The following TTC38 variants were observed in gnomAD, a reference collection of about 807,000 sequenced individuals.
TTC38 encodes the protein tetratricopeptide repeat domain 38, also known as tetratricopeptide repeat protein 38.
TTC38 carries 64 observed loss-of-function variants against 64.2 expected under a neutral mutation model. The observed-to-expected ratio is 1.00, with a 90% CI of 0.81 to 1.23. The LOEUF (loss-of-function observed/expected upper bound fraction) is 1.23. Ranked by LOEUF, TTC38 falls within the 50% of genes most tolerant of loss-of-function variation. The pLI is 0.00. For synonymous variants in TTC38, 254 were observed against 249.3 expected (o/e 1.02, Z -0.18); for missense variants, 573 against 615.5 (o/e 0.93, Z 0.73).
chr22:46,274,066 A>G lies in TTC38; in HGVS notation c.362A>G (p.Asn121Ser), dbSNP rs755435979. The change falls in exon 4 of 14, where the codon AAT (asparagine) becomes AGT (serine). Residue 121 changes from asparagine (N) to serine (S), a missense_variant. Around this residue, in one of 3 missense-constraint regions of TTC38, gnomAD observed 68 missense variants for 107.3 expected, o/e 0.63. Transcript: ENST00000381031. This position sits in a 1 kb window ranked among gnomAD's most constrained non-coding sequence, Gnocchi z 4.8. Reference sequence around the variant, plus strand: ...GTGTCTGCAGTAGAGACATTTGCCAATGGGTGAGGGGCCTCCCTGGGCTGG... The same window carrying G: ...GTGTCTGCAGTAGAGACATTTGCCAGTGGGTGAGGGGCCTCCCTGGGCTGG... The part of the protein sequence containing the change: ...LHVSAVETFA[N>S]GNFPKACELW... The G allele has an allele frequency of 1.4e-6, 2 of 1,431,206 alleles. No individual in the cohort carries two copies. Among genetic ancestry groups the G allele is most frequent in the Admixed American group, 1.9e-5 (1 of 54,004 alleles). 88.7% of individuals were successfully genotyped at this position (1,431,206 alleles called of 1,614,324 possible). A position where few individuals can be genotyped will look rare whatever the true frequency, so the allele number is the denominator to read the frequency against.
At chr22:46,285,521 A>G (rs888886489) in intron 9 of TTC38, among the ~76,000 whole-genome samples, 35 of 152,086 alleles carry the variant, frequency 2.3e-4, no homozygotes, top group Non-Finnish European at 8.8e-5. Flanking sequence ...TACACATCTA[A>G]GGGCCTCACC....
chr22:46,283,649 C>T (rs1432342930), intron 7 of TTC38, among the ~76,000 whole-genome samples: 6 of 151,832 alleles, frequency 4.0e-5, no homozygotes, highest in Non-Finnish European at 7.4e-5. Flanking sequence ...GTCAGAAGTT[C>T]GAGACCACCC....
rs555096170 is a variant in TTC38 at position 46,291,191 on chromosome 22, C to T, written c.1316+1292C>T. 1.6e-4 allele frequency among the ~76,000 whole-genome samples: 25 copies of T among 152,344 alleles called. No homozygotes were observed. The highest frequency in any genetic ancestry group is 5.8e-4 in the African/African-American group (24 of 41,576). ...CGCTTTCCCCTTCCATGGCTGTAGA[C>T]AAAACCATGCGTGTTTCTTTGGTGG... On this transcript the variant is annotated intron_variant, in intron 13 of 13. Coordinates refer to ENST00000381031, the MANE Select transcript of TTC38 (RefSeq NM_017931.4). The surrounding 1 kb of genome is among the most constrained non-coding windows in gnomAD (Gnocchi z 4.6).
At chr22:46,289,031 C>A (rs2077592365) in intron 11 of TTC38, among the ~76,000 whole-genome samples, 1 of 152,244 alleles carries the variant, frequency 6.6e-6, no homozygotes, top group Non-Finnish European at 1.5e-5. Context: ...CCTGGAGGAC[C>A]TGGGCTGCCC....
Position 46,268,579 on chromosome 22 carries a change from CA to C in TTC38, c.100del (p.Thr34ArgfsTer2), listed in dbSNP as rs1403531713. ...ACGAAGCCTGCAAGCTGTTCGATGC[CA>C]CGCTGACCCAGGTATGCCTGCCGAG... is the stretch of plus-strand genomic sequence containing the variant. Reference protein sequence around the residue: ...SNEACKLFDATLTQYVKWTND... With the variant: ...SNEACKLFDAXLTQYVKWTND... On this transcript the variant is annotated frameshift_variant, in exon 2 of 14. Coordinates refer to ENST00000381031, the MANE Select transcript of TTC38 (RefSeq NM_017931.4). LOFTEE classifies it high-confidence loss of function. The C allele has an allele frequency of 1.2e-6, 2 of 1,613,850 alleles. No individual in the cohort carries two copies. Among genetic ancestry groups the C allele is most frequent in the East Asian group, 4.5e-5 (2 of 44,896 alleles).
intron 7 of TTC38, among the ~76,000 whole-genome samples, chr22:46,283,604 C>T (rs938310104): frequency 6.6e-6 from 1 of 152,092 alleles, no homozygotes. Context: ...GTAATCCCAG[C>T]ACTTTGGGAG....
intron 10 of TTC38, 80 bp from the exon 11 acceptor site, chr22:46,288,343 A>G (rs1418666190): frequency 3.4e-6 from 5 of 1,449,288 alleles, no homozygotes; most frequent in African/African-American, 1.4e-5. Flanking sequence ...CTCCAAGGGA[A>G]GCGCCGTGAG....
Position 46,284,033 on chromosome 22 carries a change from G to T in TTC38, c.795+1G>T. ...CTGGGCTTTATATCTGATTGAGAAG[G>T]TAAGGTGACCATCTGTTTGCACTGT... On this transcript the variant is annotated splice_donor_variant, in intron 8 of 13. Coordinates refer to ENST00000381031, the MANE Select transcript of TTC38 (RefSeq NM_017931.4). LOFTEE classifies it high-confidence loss of function. 6.2e-7 allele frequency: 1 copy of T among 1,609,034 alleles called. No individual in the cohort carries two copies. The highest frequency in any genetic ancestry group is 1.1e-5 in the South Asian group (1 of 90,802).
Position 46,271,664 on chromosome 22 carries a change from C to A in TTC38, c.112-671C>A, listed in dbSNP as rs903251151. Among the ~76,000 whole-genome samples, 4 of 150,718 alleles carry A rather than the reference C, an allele frequency of 2.7e-5. No individual in the cohort carries two copies. The highest frequency in any genetic ancestry group is 1.0e-4 in the African/African-American group (4 of 39,994). ...TTGCTAGGACTACAGACATGTGCCA[C>A]CACGCCTGACTAATTTTTGTATTAT... On this transcript the variant is annotated intron_variant, in intron 2 of 13. Transcript: ENST00000381031. The surrounding 1 kb of genome is among the most constrained non-coding windows in gnomAD (Gnocchi z 5.5).
intron 8 of TTC38, among the ~76,000 whole-genome samples, chr22:46,284,259 G>A (rs1440120634): frequency 6.6e-6 from 1 of 152,240 alleles, no homozygotes; most frequent in East Asian, 1.9e-4. Context: ...TTCAGAGCGA[G>A]TGCCTGTGGC....
rs769595294 is a variant in TTC38 at position 46,289,491 on chromosome 22, C to T, written c.1172C>T (p.Pro391Leu). The change falls in exon 12 of 14, where the codon CCT (proline) becomes CTT (leucine). Residue 391 changes from proline to leucine, a missense_variant. Pro to Leu is a moderately conservative substitution (Grantham distance 98, BLOSUM62 -3). Transcript: ENST00000381031. ...QALVEAEDGNPDRVLELLLPI... is the reference protein window; with the variant it reads ...QALVEAEDGNLDRVLELLLPI... ...CTGGTGGAGGCTGAGGACGGGAACCCTGACCGCGTCCTGGAGCTGCTCCTG... is the reference window on the plus strand; with the variant it reads ...CTGGTGGAGGCTGAGGACGGGAACCTTGACCGCGTCCTGGAGCTGCTCCTG... 6.2e-7 allele frequency: 1 copy of T among 1,608,830 alleles called. No homozygotes were observed. Among genetic ancestry groups the T allele is most frequent in the Non-Finnish European group, 8.5e-7 (1 of 1,179,620 alleles).
intron 9 of TTC38, among the ~76,000 whole-genome samples, chr22:46,285,637 C>T (rs6007786): frequency 6.6e-6 from 1 of 150,838 alleles, no homozygotes; most frequent in East Asian, 1.9e-4. Context: ...GAGTTTCGCT[C>T]TTGTTGCCCA....
At chr22:46,269,749 G>C (rs1228007936) in intron 2 of TTC38, among the ~76,000 whole-genome samples, 1 of 152,156 alleles carries the variant, frequency 6.6e-6, no homozygotes, top group Non-Finnish European at 1.5e-5. Context: ...TGTTTGACCT[G>C]GCTCACTTGC....
In TTC38 at chr22:46,268,494, T is replaced by G; in HGVS notation, c.34-20T>G. Reference sequence around the variant, plus strand: ...GCTCCTGGAGAGAAGGCACTGCTATTCCCTTCTTGCCGTCTGTAGGCCTGG... The same window carrying G: ...GCTCCTGGAGAGAAGGCACTGCTATGCCCTTCTTGCCGTCTGTAGGCCTGG... On this transcript the variant is annotated intron_variant, in intron 1 of 13. Coordinates refer to ENST00000381031, the MANE Select transcript of TTC38 (RefSeq NM_017931.4). The G allele has an allele frequency of 1.2e-6, 2 of 1,613,756 alleles. No individual in the cohort carries two copies. The highest frequency in any genetic ancestry group is 1.7e-6 in the Non-Finnish European group (2 of 1,179,772).
intron 1 of TTC38, 66 bp from the exon 2 acceptor site, chr22:46,268,448 G>A (rs1221827346): frequency 6.6e-7 from 1 of 1,516,526 alleles, no homozygotes; most frequent in Middle Eastern, 1.7e-4. Context: ...CAGGAGACGT[G>A]TGTGTGTTGA....
chr22:46,271,297 G>A lies in TTC38; in HGVS notation c.112-1038G>A, dbSNP rs929247879. 1.4e-4 allele frequency among the ~76,000 whole-genome samples: 22 copies of A among 151,760 alleles called. No individual in the cohort carries two copies. Among genetic ancestry groups the A allele is most frequent in the South Asian group, 1.0e-3 (5 of 4,802 alleles). On this transcript the variant is annotated intron_variant, in intron 2 of 13. Coordinates refer to ENST00000381031, the MANE Select transcript of TTC38 (RefSeq NM_017931.4). The surrounding 1 kb of genome is among the most constrained non-coding windows in gnomAD (Gnocchi z 5.5). The stretch of plus-strand genomic sequence containing the variant: ...ACTCTGTCGCCCAGGCTGGAGTGCA[G>A]TGGCGCCTGGGTTCACGCCATTCTC...
chr22:46,268,008 A>G lies in TTC38; in HGVS notation c.-32A>G, dbSNP rs1936796721. The G allele has an allele frequency of 1.3e-6, 2 of 1,525,176 alleles. No individual in the cohort carries two copies. Among genetic ancestry groups the G allele is most frequent in the Non-Finnish European group, 1.8e-6 (2 of 1,142,406 alleles). The allele number at this position is 1,525,176 out of a possible 1,614,324, so 94.5% of individuals were successfully genotyped here. ...CACTCCCAGGAAGGCCCGGGTGCCC[A>G]GAGCTCGCGGTGGACTCCGACCCGG... On this transcript the variant is annotated 5_prime_UTR_variant, in exon 1 of 14. Coordinates refer to ENST00000381031, the MANE Select transcript of TTC38 (RefSeq NM_017931.4).
rs772427896 is a variant in TTC38 at position 46,292,861 on chromosome 22, G to C, written c.1387G>C (p.Ala463Pro). ...GACCGAGCGGCTCATCCGCAAGGCA[G>C]CTACCGTCCACCTCATGCAGTGAGC... The part of the protein sequence containing the change: ...PLTERLIRKA[A>P]TVHLMQ The change falls in exon 14 of 14, where the codon GCT becomes CCT. Residue 463 changes from alanine to proline, a missense_variant. Around this residue, in one of 3 missense-constraint regions of TTC38, gnomAD observed 371 missense variants for 381.8 expected, o/e 0.97. Transcript: ENST00000381031. The surrounding 1 kb of genome is among the most constrained non-coding windows in gnomAD (Gnocchi z 6.5). The C allele has an allele frequency of 1.2e-6, 2 of 1,613,862 alleles. No individual in the cohort carries two copies. The highest frequency in any genetic ancestry group is 1.7e-6 in the Non-Finnish European group (2 of 1,179,854).
Position 46,275,412 on chromosome 22 carries a change from C to G in TTC38, c.530C>G (p.Pro177Arg), listed in dbSNP as rs758625161. Residue 177 changes from proline (P) to arginine (R), a missense_variant, in exon 5 of 14, where the codon CCC (proline) becomes CGC (arginine). Around this residue, in one of 3 missense-constraint regions of TTC38, gnomAD observed 68 missense variants for 107.3 expected, o/e 0.63. Coordinates refer to ENST00000381031, the MANE Select transcript of TTC38 (RefSeq NM_017931.4). The surrounding 1 kb of genome is among the most constrained non-coding windows in gnomAD (Gnocchi z 4.5). ...TACCCCTTCTGGACACCTGACATCCCCCTAAGCAGGTATGTGCCAGCTGGA... is the reference window on the plus strand; with the variant it reads ...TACCCCTTCTGGACACCTGACATCCGCCTAAGCAGGTATGTGCCAGCTGGA... Reference protein sequence around the residue: ...RIYPFWTPDIPLSSYVKGIYS... With the variant: ...RIYPFWTPDIRLSSYVKGIYS... 40 of 1,612,890 alleles carry G rather than the reference C, an allele frequency of 2.5e-5. No individual in the cohort carries two copies. The highest frequency in any genetic ancestry group is 6.8e-6 in the Non-Finnish European group (8 of 1,179,486).
Sources: gnomAD v4.1 joint callset for allele counts (sites outside exome capture counted in the v4.1 genomes callset) on GRCh38, gnomAD v4.1.1 for gene constraint, gnomAD v4.1.1 regional missense constraint, Gnocchi (gnomAD v3.1) non-coding constraint, MANE v1.5 for transcripts, NCBI Gene and HGNC (gene_info 2026-07-23, HGNC 2026-07-21) for gene names.